ADAMTS9: variants seen among roughly 807,000 people sequenced by gnomAD.
ADAMTS9 encodes ADAM metallopeptidase with thrombospondin type 1 motif 9.
ADAMTS9 carries 107 observed loss-of-function variants against 257.1 expected under a neutral mutation model. The ratio of observed to expected loss-of-function variants is 0.42; its 90% CI spans 0.36 to 0.49. The LOEUF is 0.49. Ranked by LOEUF, ADAMTS9 falls within the 20% of genes least tolerant of loss-of-function variation. The pLI is 0.03. For synonymous variants in ADAMTS9, 982 were observed against 880.9 expected (o/e 1.11, Z -2.03); for missense variants, 2,353 against 2,469.1 (o/e 0.95, Z 1.00).
intron 12 of ADAMTS9, among the ~76,000 whole-genome samples, chr3:64,634,745 A>G (rs1305017792): frequency 3.3e-5 from 5 of 152,128 alleles, no homozygotes; most frequent in Non-Finnish European, 5.9e-5. Context: ...GGGTTTCACA[A>G]CTGCCCTAGG....
At chr3:64,612,608 C>G (rs1049619575) in intron 22 of ADAMTS9, among the ~76,000 whole-genome samples, 1 of 152,126 alleles carries the variant, frequency 6.6e-6, no homozygotes, top group African/African-American at 2.4e-5. Context: ...AAGGGAGGGT[C>G]ATTCTTCAAG....
At chr3:64,624,042 A>G (rs2106870405) in intron 16 of ADAMTS9, among the ~76,000 whole-genome samples, 1 of 151,404 alleles carries the variant, frequency 6.6e-6, no homozygotes, top group African/African-American at 2.4e-5. Context: ...AGCAGAGGGT[A>G]GAGTGGTAAA....
chr3:64,571,438 C>G (rs930649807), intron 28 of ADAMTS9, among the ~76,000 whole-genome samples: 1 of 152,184 alleles, frequency 6.6e-6, no homozygotes, highest in Non-Finnish European at 1.5e-5. Flanking sequence ...TATCACCAAC[C>G]TCACTGATAA....
At chr3:64,531,320 T>C (rs188025040) in intron 38 of ADAMTS9, among the ~76,000 whole-genome samples, 378 of 152,278 alleles carry the variant, frequency 2.5e-3, no homozygotes, top group African/African-American at 8.6e-3. Context: ...GTAGAAGTAT[T>C]TGCAATAGGG....
chr3:64,546,220 C>T (rs2083196639), intron 32 of ADAMTS9, among the ~76,000 whole-genome samples: 1 of 151,826 alleles, frequency 6.6e-6, no homozygotes, highest in South Asian at 2.1e-4. Flanking sequence ...TGCTGGGGAC[C>T]AGCAGTATTT....
rs903697929 is a variant in ADAMTS9 at position 64,687,755 on chromosome 3, G to A, written c.-98C>T. 1.6e-5 allele frequency: 15 copies of A among 951,196 alleles called. 1 individual carries two copies. In the African/African-American group the frequency reaches 2.3e-4, roughly 14 times the overall value. 58.9% of individuals were successfully genotyped at this position (951,196 alleles called of 1,614,324 possible). ...GAGGCAGCGGCCGTGGAGAGCGCGCGGAGCCCGGCGCCCGCCGCCAACTTT... is the reference window on the plus strand; with the variant it reads ...GAGGCAGCGGCCGTGGAGAGCGCGCAGAGCCCGGCGCCCGCCGCCAACTTT... On this transcript the variant is annotated 5_prime_UTR_variant, in exon 1 of 40. Coordinates refer to ENST00000498707, the MANE Select transcript of ADAMTS9 (RefSeq NM_182920.2). This position sits in a 1 kb window ranked among gnomAD's most constrained non-coding sequence, Gnocchi z 4.4.
At chr3:64,619,269 G>A (rs1229644589) in intron 19 of ADAMTS9, among the ~76,000 whole-genome samples, 1 of 152,062 alleles carries the variant, frequency 6.6e-6, no homozygotes, top group Non-Finnish European at 1.5e-5. Context: ...AAACAGGTAA[G>A]GGGCTCCAAG....
At chr3:64,622,075 A>C in intron 18 of ADAMTS9, 123 bp downstream of exon 18, 1 of 1,014,524 alleles carries the variant, frequency 9.9e-7, no homozygotes, top group Non-Finnish European at 1.3e-6. Context: ...CAAAGAAAAG[A>C]GATTAGAGAA....
At position 64,639,568 on chromosome 3, in the gene ADAMTS9, A is replaced by T. The variant is rs576917414; in HGVS notation, c.1856+2280T>A. Among the ~76,000 whole-genome samples the T allele has an allele frequency of 1.1e-3, 40 of 35,068 alleles. 1 individual carries two copies. The South Asian group carries it at 0.027, about 24-fold the overall frequency. 23.0% of individuals were successfully genotyped at this position (35,068 alleles called of 152,430 possible). A position where few individuals can be genotyped will look rare whatever the true frequency, so the allele number is the denominator to read the frequency against. ...TCAAGACTTAACAAAGTATTATTTT[A>T]AAAAAGGCCAAACACTTCTTTTGAA... On this transcript the variant is annotated intron_variant, in intron 12 of 39. Transcript: ENST00000498707.
chr3:64,517,415 GGTTTTTTTTTT>G, intron 39 of ADAMTS9, among the ~76,000 whole-genome samples: 1 of 11,568 alleles, frequency 8.6e-5, no homozygotes, highest in African/African-American at 1.4e-4. Flanking sequence ...AATTAAAAAT[GGTTTTTTTTTT>G]TTTTTTTTTT....
chr3:64,653,314 G>C (rs1408316954), intron 8 of ADAMTS9, among the ~76,000 whole-genome samples: 1 of 152,098 alleles, frequency 6.6e-6, no homozygotes, highest in Non-Finnish European at 1.5e-5. Flanking sequence ...AAGCAGGTTG[G>C]GCCTGCCACA....
chr3:64,651,153 GC>G lies in ADAMTS9; in HGVS notation c.1326del (p.Met442IlefsTer25). The G allele has an allele frequency of 6.3e-7, 1 of 1,582,128 alleles. No individual in the cohort carries two copies. Among genetic ancestry groups the G allele is most frequent in the Non-Finnish European group, 8.6e-7 (1 of 1,168,658 alleles). On this transcript the variant is annotated frameshift_variant, in exon 9 of 40. Transcript: ENST00000498707. LOFTEE classifies it high-confidence loss of function. The part of the protein sequence containing the change: ...IAHELGHVFN[M>X]PHDDNNKCKE... ...TTACATTTGTTGTTGTCATCATGAG[GC>G]ATGTTAAACCTAAAGCCAATGAGAC...
chr3:64,582,441 C>A (rs1478938826), intron 28 of ADAMTS9: 1 of 152,284 alleles, frequency 6.6e-6, no homozygotes, highest in East Asian at 1.9e-4. Flanking sequence ...CCTCAGACTT[C>A]TCTGACTTAA....
chr3:64,665,775 G>T (rs749247899), intron 3 of ADAMTS9, among the ~76,000 whole-genome samples: 3 of 152,176 alleles, frequency 2.0e-5, no homozygotes, highest in African/African-American at 4.8e-5. Context: ...CTGAGGGCTG[G>T]TCTTCACCCT....
intron 28 of ADAMTS9, among the ~76,000 whole-genome samples, chr3:64,574,047 T>C (rs542787769): frequency 1.5e-3 from 227 of 152,300 alleles, no homozygotes; most frequent in African/African-American, 5.3e-3. Context: ...ATGAAAACTA[T>C]AGCCATCACA....
intron 30 of ADAMTS9, among the ~76,000 whole-genome samples, chr3:64,553,669 C>G (rs1358834260): frequency 6.6e-6 from 1 of 152,072 alleles, no homozygotes; most frequent in East Asian, 1.9e-4. Flanking sequence ...AGCCCCTTGT[C>G]ACTTGCAAAC....
intron 30 of ADAMTS9, among the ~76,000 whole-genome samples, chr3:64,551,686 A>G (rs2083273767): frequency 6.6e-6 from 1 of 152,168 alleles, no homozygotes; most frequent in Non-Finnish European, 1.5e-5. Flanking sequence ...CTTATGGCCA[A>G]ATGTTTACCA....
At chr3:64,598,612 G>A (rs1338645646) in intron 26 of ADAMTS9, among the ~76,000 whole-genome samples, 1 of 152,056 alleles carries the variant, frequency 6.6e-6, no homozygotes, top group Non-Finnish European at 1.5e-5. Flanking sequence ...GAGCCACCAT[G>A]CCTGGCCTTA....
intron 28 of ADAMTS9, chr3:64,589,563 C>T (rs2084221133): frequency 6.6e-6 from 1 of 152,186 alleles, no homozygotes; most frequent in Admixed American, 6.5e-5. Flanking sequence ...ATACAGTAAA[C>T]ACACAGCAAA....
Sources: allele counts gnomAD v4.1 joint callset (sites outside exome capture counted in the v4.1 genomes callset), GRCh38; gene constraint gnomAD v4.1.1; non-coding constraint Gnocchi (gnomAD v3.1); transcripts MANE v1.5; gene names NCBI Gene and HGNC (gene_info 2026-07-23, HGNC 2026-07-21).